Variants in FSTL5 observed in about 807,000 individuals in gnomAD.
FSTL5 encodes the protein follistatin-related protein 5.
Under a neutral mutation model 89.1 loss-of-function variants are expected in FSTL5, and 62 were observed. That is an observed-to-expected ratio of 0.70 (90% CI 0.57 to 0.86). FSTL5 has a LOEUF of 0.86. FSTL5 is among the 40% of genes least tolerant of loss of function. The pLI is 0.00. For synonymous variants in FSTL5, 383 were observed against 346.2 expected (o/e 1.11, Z -1.18); for missense variants, 1,057 against 1,001.6 (o/e 1.06, Z -0.75).
chr4:161,901,873 T>C (rs1733375363), intron 4 of FSTL5, among the ~76,000 whole-genome samples: 1 of 152,096 alleles, frequency 6.6e-6, no homozygotes, highest in Non-Finnish European at 1.5e-5. Context: ...AGGCAGAGGT[T>C]GCAGTGAGCC....
intron 4 of FSTL5, among the ~76,000 whole-genome samples, chr4:161,872,733 A>G (rs17536600): frequency 0.046 from 7,076 of 152,282 alleles, 208 homozygotes; most frequent in Non-Finnish European, 0.07. Context: ...AAACAGAAAG[A>G]ATATACAGAT....
At chr4:162,122,665 A>T (rs1374922120) in intron 1 of FSTL5, among the ~76,000 whole-genome samples, 2 of 152,114 alleles carry the variant, frequency 1.3e-5, no homozygotes, top group Non-Finnish European at 2.9e-5. Context: ...GAAAGTTAAG[A>T]AAACATATTC....
chr4:161,389,348 T>C (rs531280266), intron 15 of FSTL5, among the ~76,000 whole-genome samples: 2 of 152,252 alleles, frequency 1.3e-5, no homozygotes, highest in East Asian at 1.9e-4. Flanking sequence ...TTAATGCCAA[T>C]AGAAAAGTGT....
At chr4:162,080,425 A>G (rs543353429) in intron 2 of FSTL5, among the ~76,000 whole-genome samples, 2 of 151,714 alleles carry the variant, frequency 1.3e-5, no homozygotes, top group Admixed American at 1.3e-4. Context: ...ATGACAAATT[A>G]AAACCCACAA....
chr4:161,510,404 C>G lies in FSTL5; in HGVS notation c.1333G>C (p.Glu445Gln), dbSNP rs781207434. Reference sequence around the variant, plus strand: ...AAATAATTCAACTTAGTACCTTCTTCTCTCCATAATATGTTAGCTACTGCA... The same window carrying G: ...AAATAATTCAACTTAGTACCTTCTTGTCTCCATAATATGTTAGCTACTGCA... The part of the protein sequence containing the change: ...RKTLANILWR[E>Q]EGLGIGNMFY... The change falls in exon 11 of 16, where the codon GAA becomes CAA. Residue 445 changes from glutamate to glutamine, a missense_variant. Glu to Gln is a conservative substitution (Grantham distance 29). Transcript: ENST00000306100. 16 of 1,534,708 alleles carry G rather than the reference C, an allele frequency of 1.0e-5. No homozygotes were observed. Among genetic ancestry groups the G allele is most frequent in the Non-Finnish European group, 1.4e-5 (16 of 1,141,016 alleles).
At chr4:162,122,896 A>C (rs1731927465) in intron 1 of FSTL5, among the ~76,000 whole-genome samples, 1 of 152,112 alleles carries the variant, frequency 6.6e-6, no homozygotes, top group African/African-American at 2.4e-5. Context: ...ATGACCTTGA[A>C]GATCTTTCCC....
At chr4:161,801,478 TG>T (rs1729790863) in intron 4 of FSTL5, among the ~76,000 whole-genome samples, 1 of 151,448 alleles carries the variant, frequency 6.6e-6, no homozygotes. Context: ...AGAATCATCT[TG>T]GCAATTTCAT....
chr4:161,957,425 C>T (rs1002725583), intron 3 of FSTL5, among the ~76,000 whole-genome samples: 2 of 151,928 alleles, frequency 1.3e-5, no homozygotes, highest in African/African-American at 4.8e-5. Context: ...TCATTCTTTT[C>T]TTTGCTTCTC....
intron 4 of FSTL5, among the ~76,000 whole-genome samples, chr4:161,798,293 C>T (rs563166942): frequency 2.6e-5 from 4 of 151,444 alleles, no homozygotes; most frequent in African/African-American, 4.8e-5. Context: ...CTATTACAGC[C>T]CCCTGTTCCA....
At chr4:162,040,807 A>G (rs1051826399) in intron 2 of FSTL5, among the ~76,000 whole-genome samples, 2 of 150,208 alleles carry the variant, frequency 1.3e-5, no homozygotes, top group Non-Finnish European at 3.0e-5. Context: ...CAGCACCCCC[A>G]TTATTATTTA....
At chr4:161,515,069 C>T (rs1356861215) in intron 10 of FSTL5, among the ~76,000 whole-genome samples, 1 of 151,912 alleles carries the variant, frequency 6.6e-6, no homozygotes. Context: ...AATTACTTAA[C>T]TTAAAAATTA....
Position 162,125,910 on chromosome 4 carries a change from T to C in FSTL5, c.-16-14498A>G, listed in dbSNP as rs1732060409. ...TTACTGTTGTATATCTTTGATTCTT[T>C]TGTTTTCTTTCATACTTTATATTGG... On this transcript the variant is annotated intron_variant, in intron 1 of 15. Coordinates refer to ENST00000306100, the MANE Select transcript of FSTL5 (RefSeq NM_020116.5). 1.3e-5 allele frequency among the ~76,000 whole-genome samples: 2 copies of C among 151,326 alleles called. 1 individual carries two copies. The highest frequency in any genetic ancestry group is 4.8e-5 in the African/African-American group (2 of 41,506).
At chr4:161,712,195 A>G (rs1430583100) in intron 6 of FSTL5, among the ~76,000 whole-genome samples, 1 of 152,190 alleles carries the variant, frequency 6.6e-6, no homozygotes, top group East Asian at 1.9e-4. Flanking sequence ...GGTTGTAGGA[A>G]TGGATGCACA....
intron 3 of FSTL5, among the ~76,000 whole-genome samples, chr4:162,028,377 G>C (rs770845468): frequency 6.6e-6 from 1 of 152,070 alleles, no homozygotes; most frequent in African/African-American, 2.4e-5. Flanking sequence ...AGGAGTTCGA[G>C]ACCATCCTGG....
At chr4:161,508,411 GT>G (rs1730548642) in intron 11 of FSTL5, among the ~76,000 whole-genome samples, 1 of 152,098 alleles carries the variant, frequency 6.6e-6, no homozygotes, top group Non-Finnish European at 1.5e-5. Context: ...ACGCACACTT[GT>G]TTTATGTGAC....
intron 10 of FSTL5, among the ~76,000 whole-genome samples, chr4:161,536,509 C>T (rs1010989529): frequency 7.2e-5 from 11 of 152,082 alleles, no homozygotes; most frequent in Admixed American, 3.3e-4. Context: ...ATCAAGTAGA[C>T]GTTATTACAT....
At chr4:161,475,343 C>T (rs779955902) in intron 13 of FSTL5, among the ~76,000 whole-genome samples, 21 of 151,906 alleles carry the variant, frequency 1.4e-4, no homozygotes, top group African/African-American at 3.4e-4. Flanking sequence ...TTCTGTTGGC[C>T]ATTTCTCTCT....
At chr4:161,778,998 G>T (rs1450171071) in intron 4 of FSTL5, among the ~76,000 whole-genome samples, 1 of 152,242 alleles carries the variant, frequency 6.6e-6, no homozygotes, top group Non-Finnish European at 1.5e-5. Context: ...TGGAAGCCAT[G>T]TGGAACTGGA....
chr4:161,497,787 A>G (rs899758564), intron 12 of FSTL5, among the ~76,000 whole-genome samples: 3 of 151,978 alleles, frequency 2.0e-5, no homozygotes, highest in African/African-American at 7.2e-5. Flanking sequence ...AGTTATTAGT[A>G]ACTAGTTATC....
Sources: gnomAD v4.1 joint callset for allele counts (sites outside exome capture counted in the v4.1 genomes callset) on GRCh38, gnomAD v4.1.1 for gene constraint, MANE v1.5 for transcripts, NCBI Gene and HGNC (gene_info 2026-07-23, HGNC 2026-07-21) for gene names.